TEKT5: variants seen among roughly 807,000 people sequenced by gnomAD.
TEKT5 encodes the protein tektin-5.
Under a neutral mutation model 48.7 loss-of-function variants are expected in TEKT5, and 52 were observed. The ratio of observed to expected loss-of-function variants is 1.07; its 90% confidence interval spans 0.86 to 1.35. The LOEUF is 1.35. Among genes scored for constraint, TEKT5 ranks in the 40% most tolerant of loss-of-function variants. The pLI, the probability that TEKT5 is intolerant of heterozygous loss-of-function variation, is 0.00. For missense variants in TEKT5, 831 were observed against 641.6 expected (o/e 1.30, Z -3.19); for synonymous variants, 318 against 267.6 (o/e 1.19, Z -1.84).
chr16:10,690,878 G>T, intron 1 of TEKT5: 1 of 763,226 alleles, frequency 1.3e-6, no homozygotes, highest in Non-Finnish European at 1.6e-6. Context: ...GCAAATGTAT[G>T]TGAGAACTCA....
intron 5 of TEKT5, among the ~76,000 whole-genome samples, chr16:10,647,070 T>A (rs1344751244): frequency 2.0e-5 from 3 of 152,154 alleles, no homozygotes; most frequent in African/African-American, 7.2e-5. Context: ...CTTTGCCCAG[T>A]GTTTGCCCTG....
chr16:10,651,098 C>G (rs904731623), intron 5 of TEKT5, among the ~76,000 whole-genome samples: 1 of 152,136 alleles, frequency 6.6e-6, no homozygotes, highest in East Asian at 1.9e-4. Context: ...GGACCGTCAT[C>G]CTGAGCAGGA....
chr16:10,638,994 T>C (rs1897954797), intron 5 of TEKT5, among the ~76,000 whole-genome samples: 1 of 152,122 alleles, frequency 6.6e-6, no homozygotes, highest in African/African-American at 2.4e-5. Context: ...AACATAAGGG[T>C]CCCAAAGGCA....
chr16:10,676,154 C>G lies in TEKT5; in HGVS notation c.891G>C (p.Lys297Asn), dbSNP rs182610437. The part of the protein sequence containing the change: ...GTISVPETWA[K>N]FSNDNIKHSQ... Reference sequence around the variant, plus strand: ...AGTGTTTGATGTTGTCGTTACTGAACTTGGCCCAGGTCTCAGGTACGGAGA... The same window carrying G: ...AGTGTTTGATGTTGTCGTTACTGAAGTTGGCCCAGGTCTCAGGTACGGAGA... The change falls in exon 5 of 7, where the codon AAG (lysine) becomes AAC (asparagine). Residue 297 changes from lysine to asparagine, a missense_variant. By Grantham distance (94) the Lys-to-Asn change is moderately conservative (BLOSUM62 0). Transcript: ENST00000283025. 1 of 1,614,228 alleles carries G rather than the reference C, an allele frequency of 6.2e-7. No homozygotes were observed. Among genetic ancestry groups the G allele is most frequent in the South Asian group, 1.1e-5 (1 of 91,084 alleles).
At position 10,635,894 on chromosome 16, in the gene TEKT5, C is replaced by A. The variant is rs140448268; in HGVS notation, c.1111G>T (p.Glu371Ter). The change falls in exon 6 of 7, where the codon GAG becomes TAG. Residue 371 changes from glutamate (E) to a stop codon, truncating the protein, a stop_gained. Transcript: ENST00000283025. LOFTEE classifies it high-confidence loss of function. ...CTTTCCAGCAGCATGATGGTGTTCT[C>A]GGCCTGGAAGATCTCCTGCAGCGTC... is the stretch of plus-strand genomic sequence containing the variant. ...AKTLQEIFQA[E>*]NTIMLLERSI... is the part of the protein sequence containing the mutation. 7 of 1,613,872 alleles carry A rather than the reference C, an allele frequency of 4.3e-6. 1 individual carries two copies. The African/African-American group carries it at 9.3e-5, about 22-fold the overall frequency.
chr16:10,631,194 C>T (rs1430274787), intron 6 of TEKT5, among the ~76,000 whole-genome samples: 2 of 144,546 alleles, frequency 1.4e-5, no homozygotes, highest in Non-Finnish European at 3.0e-5. Context: ...AGGCAGAGGT[C>T]GCAGTGTGAT....
chr16:10,652,054 G>C (rs771356774), intron 5 of TEKT5, among the ~76,000 whole-genome samples: 1 of 152,144 alleles, frequency 6.6e-6, no homozygotes, highest in African/African-American at 2.4e-5. Flanking sequence ...TTGGGCCAAT[G>C]TCCTATCCTC....
chr16:10,667,530 G>A (rs925280928), intron 5 of TEKT5, among the ~76,000 whole-genome samples: 4 of 152,128 alleles, frequency 2.6e-5, no homozygotes, highest in Non-Finnish European at 5.9e-5. Context: ...AATATCATCC[G>A]ACCACGTGGC....
intron 5 of TEKT5, among the ~76,000 whole-genome samples, chr16:10,668,971 C>A (rs2142294107): frequency 6.6e-6 from 1 of 152,160 alleles, no homozygotes; most frequent in East Asian, 1.9e-4. Context: ...ACCCACTGTT[C>A]CCCTGTAGAA....
At chr16:10,676,281 C>A in intron 4 of TEKT5, 100 bp from the exon 5 acceptor site, 1 of 1,141,132 alleles carries the variant, frequency 8.8e-7, no homozygotes, top group Non-Finnish European at 1.3e-6. Context: ...GGATTATTCT[C>A]TGTCCTGTGC....
chr16:10,668,191 T>G (rs1898491810), intron 5 of TEKT5, among the ~76,000 whole-genome samples: 1 of 152,092 alleles, frequency 6.6e-6, no homozygotes, highest in African/African-American at 2.4e-5. Context: ...AAAAAAGAAG[T>G]TAATAATTAT....
intron 5 of TEKT5, among the ~76,000 whole-genome samples, chr16:10,640,126 C>T (rs28540267): frequency 1.0e-4 from 15 of 145,580 alleles, no homozygotes; most frequent in East Asian, 3.9e-4. Context: ...CCTCCTCCCC[C>T]CTTCCTCCTC....
chr16:10,638,579 C>A lies in TEKT5; in HGVS notation c.1087-2661G>T, dbSNP rs114455440. 7.0e-3 allele frequency among the ~76,000 whole-genome samples: 1,067 copies of A among 152,328 alleles called. 13 individuals are homozygous for A. The highest frequency in any genetic ancestry group is 0.025 in the African/African-American group (1,031 of 41,562). ...CTCATGATCATGAAGAGTTCGATTTCATTTGCCCAGACACTCCATACCACC... is the reference window on the plus strand; with the variant it reads ...CTCATGATCATGAAGAGTTCGATTTAATTTGCCCAGACACTCCATACCACC... On this transcript the variant is annotated intron_variant, in intron 5 of 6. Coordinates refer to ENST00000283025, the MANE Select transcript of TEKT5 (RefSeq NM_144674.2).
intron 3 of TEKT5, among the ~76,000 whole-genome samples, chr16:10,682,757 A>G (rs1325113391): frequency 6.6e-6 from 1 of 152,236 alleles, no homozygotes; most frequent in African/African-American, 2.4e-5. Context: ...AGTCGCAGAT[A>G]TGTAAAAATC....
At chr16:10,675,728 G>A (rs1898632944) in intron 5 of TEKT5, among the ~76,000 whole-genome samples, 1 of 152,046 alleles carries the variant, frequency 6.6e-6, no homozygotes, top group Non-Finnish European at 1.5e-5. Flanking sequence ...GGCACAGCTA[G>A]GCCAAGCTCC....
At chr16:10,628,869 G>A (rs768636498) in intron 6 of TEKT5, among the ~76,000 whole-genome samples, 4 of 144,660 alleles carry the variant, frequency 2.8e-5, no homozygotes, top group Non-Finnish European at 5.9e-5. Flanking sequence ...TCACATCATT[G>A]CACTCCAGCC....
intron 4 of TEKT5, among the ~76,000 whole-genome samples, chr16:10,679,056 C>T (rs1285405892): frequency 6.6e-6 from 1 of 152,158 alleles, no homozygotes; most frequent in Non-Finnish European, 1.5e-5. Flanking sequence ...ATCGATTCAC[C>T]TCTCCGAGCC....
At chr16:10,661,240 C>A (rs571605048) in intron 5 of TEKT5, among the ~76,000 whole-genome samples, 22 of 152,110 alleles carry the variant, frequency 1.4e-4, no homozygotes, top group Non-Finnish European at 2.5e-4. Flanking sequence ...ATAAACTATT[C>A]CAGGGGAAAT....
At chr16:10,642,810 CAG>C (rs1286395030) in intron 5 of TEKT5, among the ~76,000 whole-genome samples, 1 of 151,334 alleles carries the variant, frequency 6.6e-6, no homozygotes, top group African/African-American at 2.4e-5. Flanking sequence ...AACAGTAGAA[CAG>C]AGGATACTAC....
Sources: allele counts gnomAD v4.1 joint callset (sites outside exome capture counted in the v4.1 genomes callset), GRCh38; gene constraint gnomAD v4.1.1; transcripts MANE v1.5; gene names NCBI Gene and HGNC (gene_info 2026-07-23, HGNC 2026-07-21).